Variants in MGAT5 observed in about 807,000 individuals in gnomAD.
The protein encoded by MGAT5 is alpha-1,6-mannosylglycoprotein 6-beta-N-acetylglucosaminyltransferase.
Under a neutral mutation model 94.3 loss-of-function variants are expected in MGAT5, and 30 were observed. The ratio of observed to expected loss-of-function variants is 0.32; its 90% CI spans 0.24 to 0.43. The LOEUF is 0.43. Ranked by LOEUF, MGAT5 falls within the 20% of genes least tolerant of loss-of-function variation. MGAT5 has a pLI of 1.00. For missense variants in MGAT5, 691 were observed against 905.5 expected (o/e 0.76, Z 3.04); for synonymous variants, 310 against 322.9 (o/e 0.96, Z 0.43).
At position 134,254,285 on chromosome 2, in the gene MGAT5, A is replaced by G; in HGVS notation, c.-119A>G. 1 of 1,318,618 alleles carries G rather than the reference A, an allele frequency of 7.6e-7. No homozygotes were observed. 81.7% of individuals were successfully genotyped at this position (1,318,618 alleles called of 1,614,324 possible). A position where few individuals can be genotyped will look rare whatever the true frequency, so the allele number is the denominator to read the frequency against. On this transcript the variant is annotated 5_prime_UTR_variant, in exon 1 of 16. Transcript: ENST00000281923. ...AGCAGAATGGAAGTGAGGAAAGGCA[A>G]CCAGCTGACACAGGAGCCAGAGTGA...
At chr2:134,334,114 A>G (rs1025654560) in intron 4 of MGAT5, among the ~76,000 whole-genome samples, 9 of 152,094 alleles carry the variant, frequency 5.9e-5, no homozygotes, top group African/African-American at 1.7e-4. Context: ...TATATTTTAT[A>G]TTTTCAGGAG....
At chr2:134,198,536 G>T (rs1336757661) in intron 1 of MGAT5, among the ~76,000 whole-genome samples, 1 of 152,220 alleles carries the variant, frequency 6.6e-6, no homozygotes, top group African/African-American at 2.4e-5. Flanking sequence ...CTACAAAGCA[G>T]CTTGTCAAGC....
Position 134,268,457 on chromosome 2 carries a change from G to C in MGAT5, c.242-1929G>C, listed in dbSNP as rs991942151. ...CTCTGGAGAGCCAGTTGATGCATTA[G>C]ACTTAGTGACAGAACAGGTGACTGA... On this transcript the variant is annotated intron_variant, in intron 1 of 15. Transcript: ENST00000281923. This position sits in a 1 kb window ranked among gnomAD's most constrained non-coding sequence, Gnocchi z 4.1. Among the ~76,000 whole-genome samples, 10 of 152,184 alleles carry C rather than the reference G, an allele frequency of 6.6e-5. No homozygotes were observed. Among genetic ancestry groups the C allele is most frequent in the African/African-American group, 2.4e-4 (10 of 41,452 alleles).
At chr2:134,376,714 A>G (rs114105406) in intron 10 of MGAT5, among the ~76,000 whole-genome samples, 3,367 of 152,328 alleles carry the variant, frequency 0.022, 55 homozygotes, top group Middle Eastern at 0.16. Flanking sequence ...TGAAACTAGC[A>G]GGCCAATCTT....
At position 134,149,918 on chromosome 2, in the gene MGAT5, T is replaced by A. The variant is rs550288890; in HGVS notation, c.-143+29627T>A. Among the ~76,000 whole-genome samples the A allele has an allele frequency of 8.7e-4, 132 of 152,218 alleles. 1 individual carries two copies. The highest frequency in any genetic ancestry group is 3.1e-3 in the African/African-American group (127 of 41,538). ...AAGGAGCTATAGTCAAGGAAGAAGGTTACCCAAAGATGTGGCACCCAGTGA... is the reference window on the plus strand; with the variant it reads ...AAGGAGCTATAGTCAAGGAAGAAGGATACCCAAAGATGTGGCACCCAGTGA... On this transcript the variant is annotated intron_variant, in intron 1 of 16. Coordinates refer to the MGAT5 transcript ENST00000409645.
chr2:134,217,485 G>C (rs1680559731), intron 1 of MGAT5, among the ~76,000 whole-genome samples: 1 of 152,138 alleles, frequency 6.6e-6, no homozygotes. Context: ...GTGGGTAGCT[G>C]AGAACTGAAC....
chr2:134,427,029 A>G (rs2106374205), intron 13 of MGAT5, among the ~76,000 whole-genome samples: 1 of 152,312 alleles, frequency 6.6e-6, no homozygotes, highest in African/African-American at 2.4e-5. Flanking sequence ...TCTGAAAATC[A>G]TGGTTGAAGA....
rs1293494005 is a variant in MGAT5 at position 134,446,436 on chromosome 2, CA to C, written c.2028-2204del. Among the ~76,000 whole-genome samples the C allele has an allele frequency of 4.0e-5, 6 of 150,062 alleles. No homozygotes were observed. The South Asian group carries it at 8.5e-4, about 21-fold the overall frequency. ...GCCACAGCAGCTGCTGTAATTCACC[CA>C]AAAAAAAAGGTCATAAATATAAACC... On this transcript the variant is annotated intron_variant, in intron 15 of 15. Transcript: ENST00000281923.
At chr2:134,226,187 CT>C (rs1335075802) in intron 1 of MGAT5, among the ~76,000 whole-genome samples, 2 of 152,214 alleles carry the variant, frequency 1.3e-5, no homozygotes, top group African/African-American at 4.8e-5. Flanking sequence ...ATCTTTAAAG[CT>C]TTTCCTTCCA....
intron 1 of MGAT5, among the ~76,000 whole-genome samples, chr2:134,165,215 T>C (rs1327831109): frequency 6.6e-6 from 1 of 152,244 alleles, no homozygotes; most frequent in Non-Finnish European, 1.5e-5. Flanking sequence ...TGGGCATCGC[T>C]GCTCTAGCTG....
chr2:134,419,586 T>C (rs1684185071), intron 12 of MGAT5, among the ~76,000 whole-genome samples: 1 of 152,018 alleles, frequency 6.6e-6, no homozygotes, highest in Non-Finnish European at 1.5e-5. Context: ...TTACAAACTA[T>C]ACTCCAGTAA....
At chr2:134,319,784 A>T in intron 4 of MGAT5, 1 of 413,090 alleles carries the variant, frequency 2.4e-6, no homozygotes, top group Non-Finnish European at 4.9e-6. Flanking sequence ...GTGACACTTG[A>T]GTACATTGGG....
At chr2:134,258,165 T>TTGTC (rs113280910) in intron 1 of MGAT5, among the ~76,000 whole-genome samples, 115,263 of 151,510 alleles carry the variant, frequency 0.76, 43,979 homozygotes, top group African/African-American at 0.79. Context: ...TTCAGGACCT[T>TTGTC]TGATTGTGTA....
chr2:134,216,548 G>T (rs1426388789), intron 1 of MGAT5, among the ~76,000 whole-genome samples: 2 of 152,198 alleles, frequency 1.3e-5, no homozygotes, highest in African/African-American at 2.4e-5. Context: ...TGAAAATCTT[G>T]AAGGAAAATG....
At chr2:134,348,966 C>T (rs1384351076) in intron 8 of MGAT5, among the ~76,000 whole-genome samples, 3 of 152,184 alleles carry the variant, frequency 2.0e-5, no homozygotes, top group Admixed American at 6.5e-5. Context: ...AGCTACTTAG[C>T]TGTGCTGTTG....
chr2:134,350,089 G>GA (rs1383869683), intron 9 of MGAT5, 151 bp downstream of exon 9: 1 of 147,286 alleles, frequency 6.8e-6, no homozygotes, highest in Non-Finnish European at 1.1e-5. Flanking sequence ...TACTGAATTT[G>GA]TTTTTTTGTT....
chr2:134,167,371 C>A (rs183294222), intron 1 of MGAT5, among the ~76,000 whole-genome samples: 11 of 152,294 alleles, frequency 7.2e-5, no homozygotes, highest in South Asian at 6.2e-4. Flanking sequence ...ATGGCCCAGC[C>A]CACATGTTTA....
intron 1 of MGAT5, among the ~76,000 whole-genome samples, chr2:134,159,188 CGTGTGTGTGTGT>C (rs138643972): frequency 3.3e-4 from 47 of 144,100 alleles, no homozygotes; most frequent in Middle Eastern, 7.1e-3. Context: ...GGTCTAAATT[CGTGTGTGTGTGT>C]GTGTGTGTGT....
At chr2:134,342,719 TAAAAAAAA>T (rs3838499) in intron 7 of MGAT5, among the ~76,000 whole-genome samples, 1 of 138,780 alleles carries the variant, frequency 7.2e-6, no homozygotes, top group Non-Finnish European at 1.5e-5. Context: ...GTCTCTGTCT[TAAAAAAAA>T]AAAAAAAAAA....
Sources: gnomAD v4.1 joint callset for allele counts (sites outside exome capture counted in the v4.1 genomes callset) on GRCh38, gnomAD v4.1.1 for gene constraint, Gnocchi (gnomAD v3.1) non-coding constraint, MANE v1.5 for transcripts, NCBI Gene and HGNC (gene_info 2026-07-23, HGNC 2026-07-21) for gene names.